The following SMURF1 variants were observed in gnomAD, a reference collection of about 807,000 sequenced individuals.
SMURF1 encodes the protein E3 ubiquitin-protein ligase SMURF1.
A neutral mutation model predicts 98.0 loss-of-function variants in SMURF1; 44 were observed. The ratio of observed to expected loss-of-function variants is 0.45; its 90% CI spans 0.35 to 0.58. SMURF1 has a LOEUF of 0.58. Among genes scored for constraint, SMURF1 ranks in the 20% least tolerant of loss-of-function variants. The probability of loss-of-function intolerance (pLI) is 0.00; values close to 1 mark genes in which losing one functional copy is unlikely to be tolerated. For missense variants in SMURF1, 687 were observed against 938.4 expected, an observed-to-expected ratio of 0.73 and a Z score of 3.50; for synonymous variants, 396 against 374.9, an observed-to-expected ratio of 1.06 and a Z score of -0.65.
chr7:99,057,756 C>A (rs1795920202), intron 3 of SMURF1, among the ~76,000 whole-genome samples: 1 of 152,008 alleles, frequency 6.6e-6, no homozygotes, highest in African/African-American at 2.4e-5. Context: ...CATCACCATG[C>A]CTGGCTAATT....
intron 15 of SMURF1, 157 bp from the exon 16 acceptor site, chr7:99,035,873 A>C: frequency 1.4e-6 from 1 of 716,340 alleles, no homozygotes; most frequent in South Asian, 1.9e-5. Flanking sequence ...AAAGCTACAA[A>C]CAGGAGGCCT....
chr7:99,083,727 A>C (rs976760111), intron 1 of SMURF1, among the ~76,000 whole-genome samples: 1 of 152,236 alleles, frequency 6.6e-6, no homozygotes, highest in Non-Finnish European at 1.5e-5. Flanking sequence ...TTGGATTTCA[A>C]ACCCCCCCAA....
intron 1 of SMURF1, among the ~76,000 whole-genome samples, chr7:99,143,424 A>AGG (rs1218138154): frequency 9.2e-6 from 1 of 109,160 alleles, no homozygotes; most frequent in African/African-American, 3.6e-5. Flanking sequence ...AGGAGATGCA[A>AGG]GGGGCGTGGC....
intron 3 of SMURF1, 38 bp from the exon 4 acceptor site, chr7:99,057,589 TG>T (rs774846954): frequency 1.4e-6 from 2 of 1,446,434 alleles, no homozygotes; most frequent in Admixed American, 2.7e-5. Context: ...TAATTGTGTT[TG>T]GTTTTTTTTG....
chr7:99,136,091 G>A (rs1407021474), intron 1 of SMURF1, among the ~76,000 whole-genome samples: 1 of 152,202 alleles, frequency 6.6e-6, no homozygotes, highest in African/African-American at 2.4e-5. Flanking sequence ...AGCTACTCAG[G>A]AAGCTGATGA....
In SMURF1 at chr7:99,099,506, G is replaced by A. The variant is rs182503747; in HGVS notation, c.56-37669C>T. ...GTAATTCCTTTCCCAGGATAGGGGG[G>A]GAAATGCCATTATCATGTACACGCT... On this transcript the variant is annotated intron_variant, in intron 1 of 17. Transcript: ENST00000361368. 3.0e-3 allele frequency among the ~76,000 whole-genome samples: 457 copies of A among 152,224 alleles called. 2 individuals carry two copies. Among genetic ancestry groups the A allele is most frequent in the African/African-American group, 0.011 (438 of 41,524 alleles).
intron 1 of SMURF1, among the ~76,000 whole-genome samples, chr7:99,074,865 A>G (rs890961366): frequency 9.9e-5 from 15 of 152,196 alleles, no homozygotes; most frequent in African/African-American, 3.6e-4. Context: ...CTATCTCTAT[A>G]AAAATTTTTA....
rs781022814 is a variant in SMURF1 at position 99,140,443 on chromosome 7, C to CACCCAGCT, written c.55+3275_55+3282dup. Among the ~76,000 whole-genome samples the CACCCAGCT allele has an allele frequency of 1.6e-4, 25 of 152,128 alleles. No individual in the cohort carries two copies. In the East Asian group the frequency reaches 4.4e-3, roughly 27 times the overall value. Reference sequence around the variant, plus strand: ...CTGGGACTACAGGCGCCCGCCACCACACCCAGCTAATTTTTTGTATTTCTA... The same window carrying CACCCAGCT: ...CTGGGACTACAGGCGCCCGCCACCACACCCAGCTACCCAGCTAATTTTTTGTATTTCTA... On this transcript the variant is annotated intron_variant, in intron 1 of 17. Transcript: ENST00000361368.
chr7:99,118,903 C>T (rs938174953), intron 1 of SMURF1, among the ~76,000 whole-genome samples: 12 of 151,516 alleles, frequency 7.9e-5, no homozygotes, highest in African/African-American at 1.9e-4. Context: ...TGCCCTGTAC[C>T]CAGGCTGCAG....
chr7:99,063,778 C>CTT (rs34393273), intron 1 of SMURF1, among the ~76,000 whole-genome samples: 140 of 143,014 alleles, frequency 9.8e-4, no homozygotes, highest in Admixed American at 1.1e-3. Context: ...TATCAATATA[C>CTT]TTTTTTTTTT....
chr7:99,057,784 G>C (rs1279973165), intron 3 of SMURF1, among the ~76,000 whole-genome samples: 3 of 152,052 alleles, frequency 2.0e-5, no homozygotes, highest in Non-Finnish European at 4.4e-5. Flanking sequence ...TTTTAGTAGA[G>C]ATGGGGTTTC....
intron 15 of SMURF1, chr7:99,036,353 C>CT (rs1795140940): frequency 6.4e-6 from 1 of 156,250 alleles, no homozygotes; most frequent in Non-Finnish European, 1.4e-5. Flanking sequence ...TGACGTGCAC[C>CT]TGTAGCCTCA....
chr7:99,080,942 G>T (rs1234367844), intron 1 of SMURF1: 1 of 152,266 alleles, frequency 6.6e-6, no homozygotes, highest in Non-Finnish European at 1.5e-5. Context: ...GCAGGTAAGA[G>T]ATCTCCAAGC....
At chr7:99,084,462 C>T (rs1179436092) in intron 1 of SMURF1, among the ~76,000 whole-genome samples, 2 of 152,020 alleles carry the variant, frequency 1.3e-5, no homozygotes, top group Non-Finnish European at 2.9e-5. Flanking sequence ...CAGTTCTTTC[C>T]AAATTAATCT....
At chr7:99,051,282 A>C (rs1414023834) in intron 8 of SMURF1, 75 bp downstream of exon 8, 4 of 1,150,988 alleles carry the variant, frequency 3.5e-6, no homozygotes, top group Middle Eastern at 3.9e-4. Context: ...CAAGAGCAAC[A>C]CATCTGGAAG....
At chr7:99,084,877 T>TG (rs1216789149) in intron 1 of SMURF1, among the ~76,000 whole-genome samples, 1 of 152,170 alleles carries the variant, frequency 6.6e-6, no homozygotes, top group Non-Finnish European at 1.5e-5. Flanking sequence ...GATTCGATCA[T>TG]GGGGGTGGGG....
At chr7:99,125,498 C>A (rs1033827871) in intron 1 of SMURF1, among the ~76,000 whole-genome samples, 2 of 152,212 alleles carry the variant, frequency 1.3e-5, no homozygotes, top group Non-Finnish European at 2.9e-5. Context: ...AGACTATCAT[C>A]CAGCATTTGT....
Position 99,057,450 on chromosome 7 carries a change from G to C in SMURF1, c.305C>G (p.Ser102Cys). The C allele has an allele frequency of 6.2e-7, 1 of 1,608,650 alleles. No individual in the cohort carries two copies. Among genetic ancestry groups the C allele is most frequent in the Non-Finnish European group, 8.5e-7 (1 of 1,178,776 alleles). ...AGFLGCVRLL[S>C]NAISRLKDTG... is the part of the protein sequence containing the mutation. ...ATCTTTTAATCTGCTGATGGCATTGGAGAGCAGCCGCACACAGCCCAGGAA... is the reference window on the plus strand; with the variant it reads ...ATCTTTTAATCTGCTGATGGCATTGCAGAGCAGCCGCACACAGCCCAGGAA... The change falls in exon 4 of 18, where the codon TCC becomes TGC. Residue 102 changes from serine (S) to cysteine (C), a missense_variant. Ser to Cys is a moderately radical substitution (Grantham distance 112). Coordinates refer to ENST00000361368, the MANE Select transcript of SMURF1 (RefSeq NM_181349.3).
chr7:99,034,365 C>A (rs1376153910), intron 16 of SMURF1, among the ~76,000 whole-genome samples: 3 of 152,236 alleles, frequency 2.0e-5, no homozygotes, highest in Non-Finnish European at 4.4e-5. Flanking sequence ...GAGACCCTTA[C>A]AATGACAGGG....
Sources: gnomAD v4.1 joint callset for allele counts (sites outside exome capture counted in the v4.1 genomes callset) on GRCh38, gnomAD v4.1.1 for gene constraint, MANE v1.5 for transcripts, NCBI Gene and HGNC (gene_info 2026-07-23, HGNC 2026-07-21) for gene names.